PMEPA1: variants seen among roughly 807,000 people sequenced by gnomAD.
PMEPA1 encodes protein TMEPAI.
A neutral mutation model predicts 23.0 loss-of-function variants in PMEPA1; 11 were observed. That is an observed-to-expected ratio of 0.48 (90% CI 0.30 to 0.79). The LOEUF is 0.79. PMEPA1 is among the 30% of genes least tolerant of loss of function. The pLI, the probability that PMEPA1 is intolerant of heterozygous loss-of-function variation, is 0.06. For synonymous variants in PMEPA1, 204 were observed against 166.4 expected, an observed-to-expected ratio of 1.23 and a Z score of -1.74; for missense variants, 377 against 390.9, an observed-to-expected ratio of 0.96 and a Z score of 0.30.
At chr20:57,677,194 T>C (rs185517098) in intron 1 of PMEPA1, among the ~76,000 whole-genome samples, 2 of 152,300 alleles carry the variant, frequency 1.3e-5, no homozygotes, top group East Asian at 1.9e-4. Context: ...GTGCAGAGTA[T>C]GGTCAGGAGC....
chr20:57,700,206 C>G (rs1365888767), intron 1 of PMEPA1: 5 of 465,220 alleles, frequency 1.1e-5, no homozygotes, highest in Non-Finnish European at 1.8e-5. Context: ...ACAATAGAGG[C>G]TGACAGCTGC....
intron 1 of PMEPA1, among the ~76,000 whole-genome samples, chr20:57,673,589 T>A (rs925617349): frequency 7.9e-5 from 12 of 152,158 alleles, no homozygotes; most frequent in African/African-American, 2.7e-4. Context: ...GCCTGAGAAC[T>A]GCCACATCCT....
In PMEPA1 at chr20:57,683,560, T is replaced by TGTGC. The variant is rs1555882185; in HGVS notation, c.110-23864_110-23863insGCAC. Among the ~76,000 whole-genome samples, 9 of 95,590 alleles carry TGTGC rather than the reference T, an allele frequency of 9.4e-5. No individual in the cohort carries two copies. The highest frequency in any genetic ancestry group is 2.3e-4 in the Non-Finnish European group (8 of 35,054). The allele number at this position is 95,590 out of a possible 152,430, so 62.7% of individuals were successfully genotyped here. ...TGGTGTTCTGGCCTGTGTGCGTGTG[T>TGTGC]GTGTGTGTGTGTGTGTGTGTGTGTT... On this transcript the variant is annotated intron_variant, in intron 1 of 3. Coordinates refer to ENST00000341744, the MANE Select transcript of PMEPA1 (RefSeq NM_020182.5). The surrounding 1 kb of genome is among the most constrained non-coding windows in gnomAD (Gnocchi z 4.3).
intron 1 of PMEPA1, among the ~76,000 whole-genome samples, chr20:57,671,764 C>A (rs1047807873): frequency 6.6e-6 from 1 of 152,168 alleles, no homozygotes; most frequent in Non-Finnish European, 1.5e-5. Context: ...GTGGGGCCGT[C>A]CTAAGCAGCA....
chr20:57,674,696 A>G (rs892921801), intron 1 of PMEPA1, among the ~76,000 whole-genome samples: 6 of 152,220 alleles, frequency 3.9e-5, no homozygotes, highest in African/African-American at 1.4e-4. Context: ...TCTGTCATCT[A>G]AATCTATCCT....
chr20:57,706,294 G>C (rs551521770), intron 1 of PMEPA1, among the ~76,000 whole-genome samples: 21 of 152,148 alleles, frequency 1.4e-4, no homozygotes, highest in Admixed American at 1.2e-3. Context: ...GAGAAAGACC[G>C]GGGGTAATCT....
At chr20:57,710,442 G>GC (rs1344601284), upstream of PMEPA1, 11 of 1,599,596 alleles carry the variant, frequency 6.9e-6, no homozygotes, top group South Asian at 7.9e-5. Flanking sequence ...GGGGGAGGAA[G>GC]CCCCCAAGAT....
intron 1 of PMEPA1, among the ~76,000 whole-genome samples, chr20:57,684,694 A>G (rs1318159018): frequency 1.6e-4 from 24 of 152,226 alleles, no homozygotes; most frequent in Non-Finnish European, 4.4e-5. Flanking sequence ...ATTTGGCAGA[A>G]CTAAAACCTC....
At chr20:57,708,984 G>T (rs1231876174) in intron 1 of PMEPA1, among the ~76,000 whole-genome samples, 1 of 151,676 alleles carries the variant, frequency 6.6e-6, no homozygotes, top group Non-Finnish European at 1.5e-5. Flanking sequence ...CTCCACAGAC[G>T]CACGGACATC....
chr20:57,709,464 G>T lies in PMEPA1; in HGVS notation c.109+10C>A. 9.0e-7 allele frequency: 1 copy of T among 1,111,036 alleles called. No individual in the cohort carries two copies. Among genetic ancestry groups the T allele is most frequent in the Non-Finnish European group, 1.1e-6 (1 of 892,834 alleles). The allele number at this position is 1,111,036 out of a possible 1,614,324, so 68.8% of individuals were successfully genotyped here. ...GGAGTCTCCGGGGAGGGGGGCGTGG[G>T]GTCACTCACTGATCTCCATGCTCTG... is the stretch of plus-strand genomic sequence containing the variant. On this transcript the variant is annotated intron_variant, in intron 1 of 3. Coordinates refer to ENST00000341744, the MANE Select transcript of PMEPA1 (RefSeq NM_020182.5).
At position 57,709,458 on chromosome 20, in the gene PMEPA1, G is replaced by C. The variant is rs1196552705; in HGVS notation, c.109+16C>G. On this transcript the variant is annotated intron_variant, in intron 1 of 3. Coordinates refer to ENST00000341744, the MANE Select transcript of PMEPA1 (RefSeq NM_020182.5). ...CCCGATGGAGTCTCCGGGGAGGGGG[G>C]CGTGGGGTCACTCACTGATCTCCAT... 9.0e-7 allele frequency: 1 copy of C among 1,105,924 alleles called. No homozygotes were observed. The highest frequency in any genetic ancestry group is 1.7e-5 in the African/African-American group (1 of 59,708). The allele number at this position is 1,105,924 out of a possible 1,614,324, so 68.5% of individuals were successfully genotyped here. A position where few individuals can be genotyped will look rare whatever the true frequency, so the allele number is the denominator to read the frequency against.
intron 1 of PMEPA1, among the ~76,000 whole-genome samples, chr20:57,679,895 G>T (rs1038464597): frequency 1.4e-4 from 22 of 152,242 alleles, no homozygotes; most frequent in African/African-American, 5.1e-4. Flanking sequence ...GGGCCAGAGA[G>T]GGGGAGGGAG....
chr20:57,673,908 C>A (rs157087), intron 1 of PMEPA1, among the ~76,000 whole-genome samples: 38,911 of 152,094 alleles, frequency 0.26, 5,174 homozygotes, highest in African/African-American at 0.34. Context: ...CTTCAGACCC[C>A]AAGAGCAAAT....
At chr20:57,696,539 T>A (rs1293701671) in intron 1 of PMEPA1, among the ~76,000 whole-genome samples, 1 of 152,158 alleles carries the variant, frequency 6.6e-6, no homozygotes, top group Non-Finnish European at 1.5e-5. Flanking sequence ...TGAGACAGGG[T>A]GTGCAAAGAG....
intron 1 of PMEPA1, chr20:57,690,442 T>A (rs1339428409): frequency 7.7e-7 from 1 of 1,304,326 alleles, no homozygotes; most frequent in Non-Finnish European, 1.0e-6. Context: ...CTGTCATTTA[T>A]CAAATTCTTT....
chr20:57,707,499 CA>C (rs1306853206), intron 1 of PMEPA1, among the ~76,000 whole-genome samples: 1 of 152,212 alleles, frequency 6.6e-6, no homozygotes, highest in Non-Finnish European at 1.5e-5. Context: ...GTATTAACCC[CA>C]AGGGTCCCAA....
chr20:57,651,182 A>G lies in PMEPA1; in HGVS notation c.*871T>C, dbSNP rs971214598. 2 of 152,128 alleles carry G rather than the reference A, an allele frequency of 1.3e-5. No homozygotes were observed. The highest frequency in any genetic ancestry group is 4.8e-5 in the African/African-American group (2 of 41,408). The allele number at this position is 152,128 out of a possible 1,614,324, so 9.4% of individuals were successfully genotyped here. ...TAAAGGCTGTTCTGGGTCAGGGGGGAAAAGGTGTCTCCTTCGGTAGGGAAT... is the reference window on the plus strand; with the variant it reads ...TAAAGGCTGTTCTGGGTCAGGGGGGGAAAGGTGTCTCCTTCGGTAGGGAAT... On this transcript the variant is annotated 3_prime_UTR_variant, in exon 4 of 4. Coordinates refer to ENST00000341744, the MANE Select transcript of PMEPA1 (RefSeq NM_020182.5).
chr20:57,690,311 C>T lies in PMEPA1; in HGVS notation c.109+19163G>A, dbSNP rs2071861618. On this transcript the variant is annotated intron_variant, in intron 1 of 3. Transcript: ENST00000341744. The stretch of plus-strand genomic sequence containing the variant: ...GGGGGGGCCGGGCCCAGTGCCTGCA[C>T]CCACCCCCACCACTGCCACCCGCCC... The T allele has an allele frequency of 1.2e-5, 9 of 722,332 alleles. No homozygotes were observed. In the South Asian group the frequency reaches 1.3e-4, roughly 10 times the overall value. 44.7% of individuals were successfully genotyped at this position (722,332 alleles called of 1,614,324 possible).
At chr20:57,666,985 G>A (rs1410955761) in intron 1 of PMEPA1, among the ~76,000 whole-genome samples, 1 of 152,232 alleles carries the variant, frequency 6.6e-6, no homozygotes, top group Non-Finnish European at 1.5e-5. Context: ...ACGATGGCAC[G>A]TGTGCGATAC....
Sources: gnomAD v4.1 joint callset for allele counts (sites outside exome capture counted in the v4.1 genomes callset) on GRCh38, gnomAD v4.1.1 for gene constraint, Gnocchi (gnomAD v3.1) non-coding constraint, MANE v1.5 for transcripts, NCBI Gene and HGNC (gene_info 2026-07-23, HGNC 2026-07-21) for gene names.